The following BLOC1S5 variants were observed in gnomAD, a reference collection of about 807,000 sequenced individuals.
BLOC1S5 encodes biogenesis of lysosomal organelles complex 1 subunit 5.
A neutral mutation model predicts 24.3 loss-of-function variants in BLOC1S5; 27 were observed. The observed-to-expected ratio is 1.11, with a 90% CI of 0.82 to 1.53. The LOEUF (loss-of-function observed/expected upper bound fraction) is 1.53, where lower values mean the gene tolerates loss of function less well. BLOC1S5 is among the 40% of genes most tolerant of loss of function. The pLI, the probability that BLOC1S5 is intolerant of heterozygous loss-of-function variation, is 0.00. For missense variants in BLOC1S5, 239 were observed against 229.4 expected, an observed-to-expected ratio of 1.04 and a Z score of -0.27; for synonymous variants, 84 against 74.5, an observed-to-expected ratio of 1.13 and a Z score of -0.66.
At chr6:8,047,211 AT>A (rs113086214) in intron 2 of BLOC1S5, among the ~76,000 whole-genome samples, 6,760 of 126,180 alleles carry the variant, frequency 0.054, 567 homozygotes, top group African/African-American at 0.18. Flanking sequence ...GTCAACAGTA[AT>A]TTTTTTTTTT....
intron 4 of BLOC1S5, among the ~76,000 whole-genome samples, chr6:8,021,459 C>A (rs1274918219): frequency 6.6e-6 from 1 of 152,038 alleles, no homozygotes; most frequent in African/African-American, 2.4e-5. Flanking sequence ...ATTAGCTGGG[C>A]ATGATGGCGG....
At chr6:8,049,837 A>G (rs1327340189) in intron 2 of BLOC1S5, among the ~76,000 whole-genome samples, 6 of 152,020 alleles carry the variant, frequency 3.9e-5, no homozygotes, top group African/African-American at 1.2e-4. Context: ...TCAGCCCCCA[A>G]GTAGCTGAGA....
Position 8,064,340 on chromosome 6 carries a change from C to T in BLOC1S5, c.37G>A (p.Glu13Lys), listed in dbSNP as rs143782042. The T allele has an allele frequency of 6.2e-7, 1 of 1,612,816 alleles. No homozygotes were observed. The highest frequency in any genetic ancestry group is 8.5e-7 in the Non-Finnish European group (1 of 1,179,876). ...TTGCTGCCACCGCCCGGGGCGGCCT[C>T]ACAACCCACAGGGGTCTCTGTCCCT... ...GGGTETPVGC[E>K]AAPGGGSKKR... Residue 13 changes from glutamate to lysine, a missense_variant, in exon 1 of 5, where the codon GAG (glutamate) becomes AAG (lysine). By Grantham distance (56) the Glu-to-Lys change is moderately conservative. Coordinates refer to ENST00000397457, the MANE Select transcript of BLOC1S5 (RefSeq NM_201280.3).
intron 3 of BLOC1S5, among the ~76,000 whole-genome samples, chr6:8,032,957 A>G (rs1261225630): frequency 6.6e-6 from 1 of 152,172 alleles, no homozygotes; most frequent in Non-Finnish European, 1.5e-5. Context: ...ACTACAAACC[A>G]CTGCTTGCCA....
intron 3 of BLOC1S5, among the ~76,000 whole-genome samples, chr6:8,034,894 T>A (rs12211008): frequency 0.16 from 23,776 of 151,826 alleles, 1,933 homozygotes; most frequent in Admixed American, 0.19. Flanking sequence ...CCAGCCCAAA[T>A]GCCCATCAAT....
At chr6:8,047,957 C>A (rs1042138734) in intron 2 of BLOC1S5, among the ~76,000 whole-genome samples, 1 of 152,206 alleles carries the variant, frequency 6.6e-6, no homozygotes, top group African/African-American at 2.4e-5. Flanking sequence ...ACACTTGATT[C>A]TTTCTCCCGT....
At chr6:8,050,149 G>A (rs1228557411) in intron 2 of BLOC1S5, among the ~76,000 whole-genome samples, 2 of 152,202 alleles carry the variant, frequency 1.3e-5, no homozygotes, top group Non-Finnish European at 2.9e-5. Flanking sequence ...ATCAGCATGA[G>A]CTCACCTTGT....
At chr6:8,042,895 T>A (rs1763742333) in intron 2 of BLOC1S5, among the ~76,000 whole-genome samples, 1 of 152,210 alleles carries the variant, frequency 6.6e-6, no homozygotes, top group Admixed American at 6.5e-5. Flanking sequence ...AGCTTCCCTG[T>A]AAGATTACAC....
intron 2 of BLOC1S5, among the ~76,000 whole-genome samples, chr6:8,046,605 T>C (rs1763907675): frequency 6.6e-6 from 1 of 152,184 alleles, no homozygotes; most frequent in Non-Finnish European, 1.5e-5. Context: ...TGTGAGAGAA[T>C]AATATAACAA....
chr6:8,052,827 G>A (rs2815149), intron 2 of BLOC1S5, among the ~76,000 whole-genome samples: 61,854 of 151,238 alleles, frequency 0.41, 14,576 homozygotes, highest in East Asian at 0.8. Flanking sequence ...CCCAGGAGGC[G>A]GAGCTTGCAG....
At chr6:8,038,344 A>G (rs1208963714) in intron 3 of BLOC1S5, among the ~76,000 whole-genome samples, 1 of 152,176 alleles carries the variant, frequency 6.6e-6, no homozygotes, top group Non-Finnish European at 1.5e-5. Context: ...ATAGGCAAAG[A>G]TCTATTTCAA....
At chr6:8,026,097 A>C (rs1163957149) in intron 4 of BLOC1S5, among the ~76,000 whole-genome samples, 1 of 152,192 alleles carries the variant, frequency 6.6e-6, no homozygotes, top group Non-Finnish European at 1.5e-5. Context: ...TCCATGTAAA[A>C]GTCCTAATTT....
upstream of BLOC1S5, chr6:8,064,390 G>T: frequency 6.2e-7 from 1 of 1,600,422 alleles, no homozygotes. Flanking sequence ...GACCAGTTCC[G>T]CCCACCCGCG....
At chr6:8,036,950 T>A (rs1357038916) in intron 3 of BLOC1S5, among the ~76,000 whole-genome samples, 1 of 152,178 alleles carries the variant, frequency 6.6e-6, no homozygotes, top group Non-Finnish European at 1.5e-5. Flanking sequence ...CTTTCCTTTA[T>A]GATAAAAACT....
chr6:8,016,876 CA>C (rs36179729), intron 4 of BLOC1S5, among the ~76,000 whole-genome samples: 14 of 97,620 alleles, frequency 1.4e-4, no homozygotes, highest in Admixed American at 2.4e-4. Flanking sequence ...TACTCTATCT[CA>C]AAAAAAAAAA....
intron 4 of BLOC1S5, among the ~76,000 whole-genome samples, chr6:8,017,173 A>G (rs1350241930): frequency 6.6e-6 from 1 of 152,228 alleles, no homozygotes; most frequent in Non-Finnish European, 1.5e-5. Flanking sequence ...ATAACTTTAT[A>G]TCCCTATTTC....
At chr6:8,061,420 A>G (rs1172304827) in intron 2 of BLOC1S5, among the ~76,000 whole-genome samples, 1 of 152,214 alleles carries the variant, frequency 6.6e-6, no homozygotes, top group Non-Finnish European at 1.5e-5. Context: ...TTAACATGTT[A>G]ACTGAACCAA....
chr6:8,043,457 T>C (rs74556593), intron 2 of BLOC1S5, among the ~76,000 whole-genome samples: 5,944 of 152,164 alleles, frequency 0.039, 369 homozygotes, highest in African/African-American at 0.13. Context: ...CCCAGTCTAG[T>C]CATGAGAAAA....
At chr6:8,049,812 A>G (rs1324089734) in intron 2 of BLOC1S5, among the ~76,000 whole-genome samples, 1 of 152,012 alleles carries the variant, frequency 6.6e-6, no homozygotes, top group Non-Finnish European at 1.5e-5. Flanking sequence ...CCTGGGCTCA[A>G]GCGATCCTCC....
Sources: gnomAD v4.1 joint callset for allele counts (sites outside exome capture counted in the v4.1 genomes callset) on GRCh38, gnomAD v4.1.1 for gene constraint, MANE v1.5 for transcripts, NCBI Gene and HGNC (gene_info 2026-07-23, HGNC 2026-07-21) for gene names.